ABCB5: variants seen among roughly 807,000 people sequenced by gnomAD.
The protein encoded by ABCB5 is ATP binding cassette subfamily B member 5.
A neutral mutation model predicts 144.2 loss-of-function variants in ABCB5; 155 were observed. That is an observed-to-expected ratio of 1.08 (90% CI 0.94 to 1.23). The LOEUF (loss-of-function observed/expected upper bound fraction) is 1.23. Among genes scored for constraint, ABCB5 ranks in the 50% most tolerant of loss-of-function variants. The pLI, the probability that ABCB5 is intolerant of heterozygous loss-of-function variation, is 0.00. For missense variants in ABCB5, 1,830 were observed against 1,520.8 expected (o/e 1.20, Z -3.38); for synonymous variants, 610 against 528.6 (o/e 1.15, Z -2.11).
At chr7:20,708,233 T>C (rs1463117592) in intron 20 of ABCB5, among the ~76,000 whole-genome samples, 1 of 152,212 alleles carries the variant, frequency 6.6e-6, no homozygotes, top group Non-Finnish European at 1.5e-5. Context: ...ATAATTGCTG[T>C]TTTGTCTTGC....
At chr7:20,637,766 C>G (rs1215842835) in intron 5 of ABCB5, among the ~76,000 whole-genome samples, 1 of 152,106 alleles carries the variant, frequency 6.6e-6, no homozygotes, top group Non-Finnish European at 1.5e-5. Context: ...TAATCCTTTT[C>G]TTTTGCTACT....
chr7:20,650,338 G>A (rs917970551), intron 12 of ABCB5, among the ~76,000 whole-genome samples, 191 bp downstream of exon 12: 1 of 152,134 alleles, frequency 6.6e-6, no homozygotes, highest in Non-Finnish European at 1.5e-5. Context: ...CACTGTTTTA[G>A]GTTCTGAGAA....
chr7:20,679,436 A>T (rs1384471715), intron 14 of ABCB5, among the ~76,000 whole-genome samples: 117 of 124,584 alleles, frequency 9.4e-4, no homozygotes, highest in Non-Finnish European at 2.8e-4. Context: ...ATGCCATTGC[A>T]CTCCCGCCTG....
At chr7:20,682,187 G>C (rs1042396927) in intron 15 of ABCB5, among the ~76,000 whole-genome samples, 1 of 152,072 alleles carries the variant, frequency 6.6e-6, no homozygotes, top group East Asian at 1.9e-4. Context: ...CCTGCCGACA[G>C]AGCGAGACTC....
intron 14 of ABCB5, chr7:20,659,034 G>A (rs769821680): frequency 1.9e-6 from 3 of 1,607,012 alleles, no homozygotes; most frequent in Non-Finnish European, 2.6e-6. Context: ...ACACCTGTGG[G>A]ATTCTCTTCT....
At chr7:20,749,883 C>G (rs933944928) in intron 26 of ABCB5, among the ~76,000 whole-genome samples, 8 of 152,048 alleles carry the variant, frequency 5.3e-5, no homozygotes, top group African/African-American at 1.9e-4. Context: ...ATAGCCTGAG[C>G]AAAAACATGG....
chr7:20,651,409 T>C lies in ABCB5; in HGVS notation c.1333-11T>C, dbSNP rs751487168. On this transcript the variant is annotated splice_polypyrimidine_tract_variant and intron_variant, in intron 12 of 27. Coordinates refer to ENST00000404938, the MANE Select transcript of ABCB5 (RefSeq NM_001163941.2). ...AGGCATCACAACATGGTTCATTCTT[T>C]GGATTGGCAGATCATGGTGGATGAG... 7.4e-6 allele frequency: 12 copies of C among 1,613,992 alleles called. No homozygotes were observed. Among genetic ancestry groups the C allele is most frequent in the Non-Finnish European group, 9.3e-6 (11 of 1,179,916 alleles).
intron 13 of ABCB5, among the ~76,000 whole-genome samples, chr7:20,653,321 A>T (rs1784666261): frequency 6.6e-6 from 1 of 152,250 alleles, no homozygotes; most frequent in Non-Finnish European, 1.5e-5. Flanking sequence ...CCACAGCCAT[A>T]GCTAACCAGA....
chr7:20,728,580 C>T (rs921919988), intron 23 of ABCB5, 125 bp downstream of exon 23: 3 of 1,110,590 alleles, frequency 2.7e-6, no homozygotes, highest in Non-Finnish European at 3.7e-6. Flanking sequence ...ATAATAAAAC[C>T]CCATCTCTAC....
chr7:20,682,578 G>C (rs765619597), intron 15 of ABCB5, among the ~76,000 whole-genome samples: 1 of 152,170 alleles, frequency 6.6e-6, no homozygotes, highest in Non-Finnish European at 1.5e-5. Context: ...TGAGTGTTGA[G>C]GGTATAATGG....
intron 20 of ABCB5, among the ~76,000 whole-genome samples, chr7:20,717,030 T>TTA (rs1781695594): frequency 6.6e-6 from 1 of 152,022 alleles, no homozygotes; most frequent in Non-Finnish European, 1.5e-5. Flanking sequence ...AACGCCACAC[T>TTA]CCAGACTGGT....
At chr7:20,700,170 T>G (rs772981904) in intron 19 of ABCB5, 35 bp downstream of exon 19, 1 of 1,488,890 alleles carries the variant, frequency 6.7e-7, no homozygotes, top group South Asian at 1.3e-5. Context: ...TTATTTTATT[T>G]AAAATTTATT....
At chr7:20,700,826 C>G (rs1025894185) in intron 19 of ABCB5, among the ~76,000 whole-genome samples, 1 of 152,186 alleles carries the variant, frequency 6.6e-6, no homozygotes, top group African/African-American at 2.4e-5. Context: ...AGCCCTTCAC[C>G]TCACTTTCTG....
intron 21 of ABCB5, among the ~76,000 whole-genome samples, chr7:20,724,464 C>A (rs1463641549): frequency 6.6e-6 from 1 of 151,648 alleles, no homozygotes; most frequent in East Asian, 1.9e-4. Flanking sequence ...CCCATCTCTA[C>A]GAAAAATACA....
At chr7:20,646,911 C>T (rs1194022298) in intron 9 of ABCB5, among the ~76,000 whole-genome samples, 1 of 152,164 alleles carries the variant, frequency 6.6e-6, no homozygotes, top group African/African-American at 2.4e-5. Context: ...ATTTTTCACT[C>T]ATCCTTGCTC....
intron 20 of ABCB5, among the ~76,000 whole-genome samples, chr7:20,720,943 CAAAA>C (rs71020677): frequency 6.2e-4 from 44 of 71,056 alleles, no homozygotes; most frequent in African/African-American, 1.7e-3. Flanking sequence ...AACTCTGCCT[CAAAA>C]AAAAAAAAAA....
chr7:20,689,872 T>C (rs1786154471), intron 16 of ABCB5, among the ~76,000 whole-genome samples: 1 of 151,622 alleles, frequency 6.6e-6, no homozygotes, highest in Non-Finnish European at 1.5e-5. Context: ...AGGACAGGGG[T>C]GGTAATATTT....
chr7:20,682,114 C>T (rs1287266147), intron 15 of ABCB5, among the ~76,000 whole-genome samples: 4 of 151,978 alleles, frequency 2.6e-5, no homozygotes, highest in African/African-American at 4.8e-5. Flanking sequence ...CTGAGGCAAG[C>T]GAATTGCTTG....
intron 25 of ABCB5, among the ~76,000 whole-genome samples, chr7:20,743,512 A>G (rs1370134647): frequency 1.3e-5 from 2 of 152,162 alleles, no homozygotes; most frequent in East Asian, 3.9e-4. Flanking sequence ...GTTAAGGCTT[A>G]TTGGAATCAG....
Sources: gnomAD v4.1 joint callset for allele counts (sites outside exome capture counted in the v4.1 genomes callset) on GRCh38, gnomAD v4.1.1 for gene constraint, MANE v1.5 for transcripts, NCBI Gene and HGNC (gene_info 2026-07-23, HGNC 2026-07-21) for gene names.